The following FLI1 variants were observed in gnomAD, a reference collection of about 807,000 sequenced individuals.
FLI1 encodes Fli-1 proto-oncogene, ETS transcription factor, also known as Friend leukemia integration 1 transcription factor.
FLI1 carries 13 observed loss-of-function variants against 53.1 expected under a neutral mutation model. The observed-to-expected ratio is 0.24, with a 90% CI of 0.16 to 0.39. The LOEUF (loss-of-function observed/expected upper bound fraction) is 0.39. FLI1 is among the 10% of genes least tolerant of loss of function. FLI1 has a pLI of 1.00. For missense variants in FLI1, 424 were observed against 600.5 expected (o/e 0.71, Z 3.07); for synonymous variants, 244 against 236.7 (o/e 1.03, Z -0.28).
chr11:128,776,276 G>A (rs942362682), intron 4 of FLI1, among the ~76,000 whole-genome samples: 4 of 151,734 alleles, frequency 2.6e-5, no homozygotes, highest in African/African-American at 4.8e-5. Flanking sequence ...CCACACAGGC[G>A]CCCACCCCTC....
chr11:128,695,099 C>T lies in FLI1; in HGVS notation c.18+823C>T, dbSNP rs995578956. Among the ~76,000 whole-genome samples, 136 of 152,258 alleles carry T rather than the reference C, an allele frequency of 8.9e-4. 1 individual carries two copies. The highest frequency in any genetic ancestry group is 3.1e-3 in the African/African-American group (129 of 41,562). On this transcript the variant is annotated intron_variant, in intron 1 of 8. Transcript: ENST00000527786. ...AAGGGTCCTGCGTCCTTCGGAGCCGCCTCCGTTGCAGGGGCCGGCTGTGAG... is the reference window on the plus strand; with the variant it reads ...AAGGGTCCTGCGTCCTTCGGAGCCGTCTCCGTTGCAGGGGCCGGCTGTGAG...
In FLI1 at chr11:128,811,859, A is replaced by G. The variant is rs181502037; in HGVS notation, c.*871A>G. On this transcript the variant is annotated 3_prime_UTR_variant, in exon 9 of 9. Transcript: ENST00000527786. ...ATAAATTATGCAGAGTTATTTTCCT[A>G]TATCTCACAGTATTAAAAATAAATA... is the stretch of plus-strand genomic sequence containing the variant. 1.0e-5 allele frequency: 2 copies of G among 197,990 alleles called. No homozygotes were observed. The highest frequency in any genetic ancestry group is 7.9e-5 in the East Asian group (1 of 12,690). The allele number at this position is 197,990 out of a possible 1,614,324, so 12.3% of individuals were successfully genotyped here. A position where few individuals can be genotyped will look rare whatever the true frequency, so the allele number is the denominator to read the frequency against.
At chr11:128,698,729 TGTGTGA>T (rs986688519) in intron 1 of FLI1, among the ~76,000 whole-genome samples, 1 of 133,726 alleles carries the variant, frequency 7.5e-6, no homozygotes, top group African/African-American at 2.7e-5. Context: ...TGTGTGTGTG[TGTGTGA>T]GAGAGAGAGA....
intron 1 of FLI1, among the ~76,000 whole-genome samples, chr11:128,738,694 G>C (rs1162943594): frequency 6.6e-6 from 1 of 152,220 alleles, no homozygotes; most frequent in Non-Finnish European, 1.5e-5. Context: ...GAGTTGCCAT[G>C]AGGGCCAGAC....
chr11:128,788,187 G>T (rs1310531647), intron 5 of FLI1, among the ~76,000 whole-genome samples: 1 of 152,024 alleles, frequency 6.6e-6, no homozygotes. Flanking sequence ...ACTTATTCGG[G>T]GGCCGGGCAT....
chr11:128,804,444 C>G (rs1942721948), intron 5 of FLI1: 1 of 152,200 alleles, frequency 6.6e-6, no homozygotes, highest in South Asian at 2.1e-4. Context: ...AAGTTTCCAG[C>G]TAGTTAGTTA....
chr11:128,807,060 A>G, intron 6 of FLI1, 120 bp from the exon 7 acceptor site: 1 of 482,520 alleles, frequency 2.1e-6, no homozygotes, highest in Non-Finnish European at 3.7e-6. Flanking sequence ...AAATAAGATG[A>G]ATAAATGAGT....
intron 1 of FLI1, among the ~76,000 whole-genome samples, chr11:128,754,991 T>A (rs571021251): frequency 2.0e-5 from 3 of 152,352 alleles, no homozygotes; most frequent in African/African-American, 7.2e-5. Context: ...CACTTGTTTT[T>A]TTCTAGCTGT....
intron 1 of FLI1, among the ~76,000 whole-genome samples, chr11:128,706,821 A>G (rs1436604149): frequency 6.6e-6 from 1 of 152,228 alleles, no homozygotes. Context: ...AAATTTTACT[A>G]AAGTAGATTT....
At chr11:128,701,916 G>T (rs1938350792) in intron 1 of FLI1, among the ~76,000 whole-genome samples, 1 of 152,198 alleles carries the variant, frequency 6.6e-6, no homozygotes, top group Non-Finnish European at 1.5e-5. Context: ...AGAATTGTTA[G>T]GTCTGAATAT....
At chr11:128,798,886 G>T (rs1355537042) in intron 5 of FLI1, among the ~76,000 whole-genome samples, 1 of 152,164 alleles carries the variant, frequency 6.6e-6, no homozygotes, top group South Asian at 2.1e-4. Context: ...GCTGGGTAAT[G>T]CCTGGGCCTA....
At chr11:128,734,214 AT>A (rs1439628333) in intron 1 of FLI1, among the ~76,000 whole-genome samples, 1 of 152,252 alleles carries the variant, frequency 6.6e-6, no homozygotes, top group African/African-American at 2.4e-5. Flanking sequence ...GATGTTTTGC[AT>A]ATTAAACAGC....
rs1012439114 is a variant in FLI1 at position 128,810,400 on chromosome 11, G to A, written c.830-59G>A. 1 of 1,500,434 alleles carries A rather than the reference G, an allele frequency of 6.7e-7. No homozygotes were observed. Among genetic ancestry groups the A allele is most frequent in the South Asian group, 1.3e-5 (1 of 78,518 alleles). 92.9% of individuals were successfully genotyped at this position (1,500,434 alleles called of 1,614,324 possible). A position where few individuals can be genotyped will look rare whatever the true frequency, so the allele number is the denominator to read the frequency against. ...AAGCTCCCTGCATTTAGGGAACTGG[G>A]TTCTGCCTTCTCTGGGCTGAGGTGT... On this transcript the variant is annotated intron_variant, in intron 8 of 8. Coordinates refer to ENST00000527786, the MANE Select transcript of FLI1 (RefSeq NM_002017.5). The surrounding 1 kb of genome is among the most constrained non-coding windows in gnomAD (Gnocchi z 6.6).
At chr11:128,710,943 AC>A (rs890450196) in intron 1 of FLI1, among the ~76,000 whole-genome samples, 3 of 152,158 alleles carry the variant, frequency 2.0e-5, no homozygotes, top group African/African-American at 7.2e-5. Flanking sequence ...GTTTTTCTCA[AC>A]CTTTTTAACT....
At chr11:128,802,346 C>T (rs1942657222) in intron 5 of FLI1, among the ~76,000 whole-genome samples, 1 of 152,212 alleles carries the variant, frequency 6.6e-6, no homozygotes, top group African/African-American at 2.4e-5. Flanking sequence ...AGCCAATGTG[C>T]TCAGGCTGTC....
chr11:128,702,451 C>T (rs1938373384), intron 1 of FLI1, among the ~76,000 whole-genome samples: 1 of 152,206 alleles, frequency 6.6e-6, no homozygotes, highest in African/African-American at 2.4e-5. Context: ...TTCTCCATTG[C>T]CCCTTCACCC....
chr11:128,767,843 T>A (rs1287550279), intron 2 of FLI1, among the ~76,000 whole-genome samples: 1 of 152,162 alleles, frequency 6.6e-6, no homozygotes. Context: ...AGGGCTGCGA[T>A]GCCACACAAA....
Position 128,748,656 on chromosome 11 carries a change from A to G in FLI1, c.19-9459A>G, listed in dbSNP as rs1198357567. ...CTCAAAAAAAAAAAGAAAGAAAGAA[A>G]AGAAAAGTCAGCCGGACACTCTGAA... is the stretch of plus-strand genomic sequence containing the variant. On this transcript the variant is annotated intron_variant, in intron 1 of 8. Coordinates refer to ENST00000527786, the MANE Select transcript of FLI1 (RefSeq NM_002017.5). Among the ~76,000 whole-genome samples the G allele has an allele frequency of 4.6e-5, 7 of 152,084 alleles. No individual in the cohort carries two copies. The East Asian group carries it at 1.4e-3, about 29-fold the overall frequency.
In FLI1 at chr11:128,805,500, A is replaced by G. The variant is rs1591389502; in HGVS notation, c.721+69A>G. On this transcript the variant is annotated intron_variant, in intron 6 of 8. Transcript: ENST00000527786. ...GAGGACAGGATTGGAGAACAGGATC[A>G]TGAGACACAGGAGAGCAGCAAGCAT... 37 of 999,418 alleles carry G rather than the reference A, an allele frequency of 3.7e-5. No individual in the cohort carries two copies. In the East Asian group the frequency reaches 8.4e-4, roughly 23 times the overall value. 61.9% of individuals were successfully genotyped at this position (999,418 alleles called of 1,614,324 possible). A position where few individuals can be genotyped will look rare whatever the true frequency, so the allele number is the denominator to read the frequency against.
Sources: gnomAD v4.1 joint callset for allele counts (sites outside exome capture counted in the v4.1 genomes callset) on GRCh38, gnomAD v4.1.1 for gene constraint, Gnocchi (gnomAD v3.1) non-coding constraint, MANE v1.5 for transcripts, NCBI Gene and HGNC (gene_info 2026-07-23, HGNC 2026-07-21) for gene names.